Variants in MGAT4C observed in about 807,000 individuals in gnomAD.
MGAT4C encodes the protein alpha-1,3-mannosyl-glycoprotein 4-beta-N-acetylglucosaminyltransferase C.
A neutral mutation model predicts 40.1 loss-of-function variants in MGAT4C; 19 were observed. The ratio of observed to expected loss-of-function variants is 0.47; its 90% CI spans 0.33 to 0.70. The LOEUF (loss-of-function observed/expected upper bound fraction) is 0.70, where lower values mean the gene tolerates loss of function less well. Among genes scored for constraint, MGAT4C ranks in the 30% least tolerant of loss-of-function variants. MGAT4C has a pLI of 0.02. For missense variants in MGAT4C, 491 were observed against 563.2 expected (o/e 0.87, Z 1.30); for synonymous variants, 181 against 187.1 (o/e 0.97, Z 0.27).
chr12:86,001,776 T>C (rs2136776673), intron 2 of MGAT4C: 1 of 346,956 alleles, frequency 2.9e-6, no homozygotes, highest in African/African-American at 2.2e-5. Context: ...GCTGAAATAT[T>C]TTCCTTGGTT....
chr12:86,056,698 G>T (rs890010126), intron 1 of MGAT4C, among the ~76,000 whole-genome samples: 1 of 152,104 alleles, frequency 6.6e-6, no homozygotes, highest in Non-Finnish European at 1.5e-5. Flanking sequence ...AAACATACGT[G>T]TGCATGTGTC....
intron 2 of MGAT4C, among the ~76,000 whole-genome samples, chr12:86,020,972 A>C (rs1454835202): frequency 6.6e-6 from 1 of 152,180 alleles, no homozygotes; most frequent in South Asian, 2.1e-4. Context: ...ATGCAGCCAA[A>C]AGACACATGA....
Position 85,979,705 on chromosome 12 carries a change from G to T in MGAT4C, c.1021C>A (p.Pro341Thr), listed in dbSNP as rs1884318325. ...EEESFDIPDN[P>T]PASLYTNMNV... ...ATGTTGGTGTACAGACTTGCAGGGG[G>T]GTTATCAGGAATGTCAAATGACTCC... The change falls in exon 5 of 5, where the codon CCC becomes ACC. Residue 341 changes from proline to threonine, a missense_variant. Pro to Thr is a conservative substitution (Grantham distance 38, BLOSUM62 -1). Transcript: ENST00000611864. 3 of 1,613,332 alleles carry T rather than the reference G, an allele frequency of 1.9e-6. No homozygotes were observed. Among genetic ancestry groups the T allele is most frequent in the Non-Finnish European group, 2.5e-6 (3 of 1,179,748 alleles).
At chr12:86,125,116 A>G (rs1880035197) in intron 1 of MGAT4C, among the ~76,000 whole-genome samples, 1 of 152,142 alleles carries the variant, frequency 6.6e-6, no homozygotes, top group Admixed American at 6.6e-5. Context: ...CTTATTTGGA[A>G]GGATGAAGGC....
chr12:86,716,252 T>G (rs766839289), intron 2 of MGAT4C, among the ~76,000 whole-genome samples: 18 of 152,144 alleles, frequency 1.2e-4, no homozygotes, highest in Non-Finnish European at 2.1e-4. Context: ...AACTACTGAA[T>G]TTGTGCCAAA....
intron 3 of MGAT4C, among the ~76,000 whole-genome samples, chr12:86,353,811 CTT>C (rs372591127): frequency 4.3e-4 from 65 of 152,266 alleles, no homozygotes; most frequent in African/African-American, 1.3e-3. Context: ...CTCTCTCTCT[CTT>C]TCTCTTCTCT....
chr12:86,240,105 T>C (rs1224722664), intron 1 of MGAT4C, among the ~76,000 whole-genome samples: 1 of 151,526 alleles, frequency 6.6e-6, no homozygotes, highest in East Asian at 1.9e-4. Flanking sequence ...AGAAAGCAAT[T>C]AATAAATATA....
At position 86,380,278 on chromosome 12, in the gene MGAT4C, T is replaced by A. The variant is rs766172786; in HGVS notation, c.-119-46151A>T. ...TGACATTAAAAATAACATTAAAAAATTGAAAAAAATTCACCAAATTTCTGA... is the reference window on the plus strand; with the variant it reads ...TGACATTAAAAATAACATTAAAAAAATGAAAAAAATTCACCAAATTTCTGA... On this transcript the variant is annotated intron_variant, in intron 3 of 7. Coordinates refer to the MGAT4C transcript ENST00000548651. Among the ~76,000 whole-genome samples, 2 of 152,228 alleles carry A rather than the reference T, an allele frequency of 1.3e-5. 1 individual carries two copies. The highest frequency in any genetic ancestry group is 6.8e-3 in the Middle Eastern group (2 of 294).
At chr12:86,167,044 C>T (rs900222329) in intron 1 of MGAT4C, among the ~76,000 whole-genome samples, 1 of 152,020 alleles carries the variant, frequency 6.6e-6, no homozygotes, top group African/African-American at 2.4e-5. Flanking sequence ...TCTCAACAAC[C>T]CTGCTTATGA....
chr12:86,183,253 C>T (rs938030795), intron 1 of MGAT4C, among the ~76,000 whole-genome samples: 1 of 151,948 alleles, frequency 6.6e-6, no homozygotes, highest in Non-Finnish European at 1.5e-5. Context: ...CTGTATCTTT[C>T]AATGGACTCA....
chr12:86,015,779 T>A (rs576549336), intron 2 of MGAT4C: 15 of 152,358 alleles, frequency 9.8e-5, no homozygotes, highest in Admixed American at 5.9e-4. Flanking sequence ...TAATCTCACA[T>A]ATTTTGTAAA....
chr12:86,648,910 A>G (rs979956769), intron 2 of MGAT4C, among the ~76,000 whole-genome samples: 1 of 151,816 alleles, frequency 6.6e-6, no homozygotes, highest in South Asian at 2.1e-4. Flanking sequence ...TGTTCTCTCT[A>G]TAGATTTTTT....
rs138103082 is a variant in MGAT4C at position 86,315,345 on chromosome 12, C to T, written c.-57+18720G>A. Reference sequence around the variant, plus strand: ...AATGAAACTGGACACATACCTCTCTCCACATACAAAAAATAACTCAAGATG... The same window carrying T: ...AATGAAACTGGACACATACCTCTCTTCACATACAAAAAATAACTCAAGATG... On this transcript the variant is annotated intron_variant, in intron 4 of 7. Transcript: ENST00000548651. 1.7e-3 allele frequency among the ~76,000 whole-genome samples: 255 copies of T among 152,230 alleles called. 5 individuals are homozygous for T. The East Asian group carries it at 0.045, about 27-fold the overall frequency.
At chr12:86,287,455 A>G (rs1953382353) in intron 4 of MGAT4C, among the ~76,000 whole-genome samples, 1 of 151,948 alleles carries the variant, frequency 6.6e-6, no homozygotes, top group Admixed American at 6.6e-5. Flanking sequence ...TGCTGCACCC[A>G]TCAACCTATC....
At chr12:86,352,376 C>T (rs1955181101) in intron 3 of MGAT4C, among the ~76,000 whole-genome samples, 1 of 151,976 alleles carries the variant, frequency 6.6e-6, no homozygotes, top group South Asian at 2.1e-4. Flanking sequence ...AAAACTGTTA[C>T]AATAAAGCAC....
chr12:86,073,380 A>T (rs1034798636), intron 1 of MGAT4C, among the ~76,000 whole-genome samples: 25 of 152,122 alleles, frequency 1.6e-4, no homozygotes, highest in Admixed American at 1.6e-3. Flanking sequence ...GATACCATAG[A>T]TTGGGGTGCT....
intron 1 of MGAT4C, among the ~76,000 whole-genome samples, chr12:86,823,455 C>T (rs1005328141): frequency 8.0e-5 from 12 of 149,874 alleles, no homozygotes; most frequent in Admixed American, 1.3e-4. Flanking sequence ...TCTAAATTTA[C>T]GGAAAAAAAA....
intron 2 of MGAT4C, among the ~76,000 whole-genome samples, chr12:86,529,486 G>A (rs1958940870): frequency 6.6e-6 from 1 of 151,902 alleles, no homozygotes; most frequent in Non-Finnish European, 1.5e-5. Context: ...TTCAGTGGCA[G>A]GCAATTTTTT....
chr12:86,355,370 G>T (rs1017833225), intron 3 of MGAT4C, among the ~76,000 whole-genome samples: 1 of 127,768 alleles, frequency 7.8e-6, no homozygotes. Context: ...TTAGAAAAAA[G>T]TTAGTCAAAA....
Sources: gnomAD v4.1 joint callset for allele counts (sites outside exome capture counted in the v4.1 genomes callset) on GRCh38, gnomAD v4.1.1 for gene constraint, MANE v1.5 for transcripts, NCBI Gene and HGNC (gene_info 2026-07-23, HGNC 2026-07-21) for gene names.